Variants in C13orf42 observed in about 807,000 individuals in gnomAD.
C13orf42 encodes the protein chromosome 13 open reading frame 42.
At chr13:51,121,941 AAG>A (rs1352266044) in intron 1 of C13orf42, among the ~76,000 whole-genome samples, 33 of 152,222 alleles carry the variant, frequency 2.2e-4, no homozygotes, top group African/African-American at 8.0e-4. Context: ...ATAATGTAAA[AAG>A]ATATTCACAA....
intron 1 of C13orf42, among the ~76,000 whole-genome samples, chr13:51,145,294 A>G (rs78188408): frequency 1.2e-4 from 18 of 152,148 alleles, no homozygotes; most frequent in Non-Finnish European, 1.9e-4. Context: ...GCCTATTAAT[A>G]TATGGACTTC....
At chr13:51,126,519 C>T (rs556870474) in intron 1 of C13orf42, among the ~76,000 whole-genome samples, 8 of 152,312 alleles carry the variant, frequency 5.3e-5, no homozygotes, top group South Asian at 2.1e-4. Context: ...AAAAGCATTA[C>T]CTTCAGCTCC....
intron 1 of C13orf42, among the ~76,000 whole-genome samples, chr13:51,170,914 T>TGG (rs1272977920): frequency 6.6e-6 from 1 of 152,080 alleles, no homozygotes; most frequent in Non-Finnish European, 1.5e-5. Flanking sequence ...CCCGCTTTCC[T>TGG]AGGGGGCAAG....
Position 51,084,164 on chromosome 13 carries a change from C to T in C13orf42, c.965G>A (p.Arg322Gln), listed in dbSNP as rs532313371. 346 of 398,706 alleles carry T rather than the reference C, an allele frequency of 8.7e-4. No individual in the cohort carries two copies. The highest frequency in any genetic ancestry group is 1.3e-3 in the Non-Finnish European group (292 of 226,102). The allele number at this position is 398,706 out of a possible 1,614,324, so 24.7% of individuals were successfully genotyped here. Reference sequence around the variant, plus strand: ...ATCCAGATGGAGTCAGGGCACCGTCCGCTCCCAAAGTCTTTCTCGAAGCAG... The same window carrying T: ...ATCCAGATGGAGTCAGGGCACCGTCTGCTCCCAAAGTCTTTCTCGAAGCAG... Reference protein sequence around the residue: ...QWLLRERLWERTVP With the variant: ...QWLLRERLWEQTVP The change falls in exon 4 of 4, where the codon CGG (arginine) becomes CAG (glutamine). Residue 322 changes from arginine (R) to glutamine (Q), a missense_variant. Arg to Gln is a conservative substitution (Grantham distance 43). Coordinates refer to ENST00000563710, the MANE Select transcript of C13orf42 (RefSeq NM_001351589.3).
At chr13:51,146,577 T>C (rs1361119657) in intron 1 of C13orf42, among the ~76,000 whole-genome samples, 1 of 152,120 alleles carries the variant, frequency 6.6e-6, no homozygotes, top group African/African-American at 2.4e-5. Flanking sequence ...CATCAATCAA[T>C]ATATGTAAGA....
chr13:51,128,748 C>T (rs770111871), intron 1 of C13orf42, among the ~76,000 whole-genome samples: 14 of 152,142 alleles, frequency 9.2e-5, no homozygotes, highest in Non-Finnish European at 1.9e-4. Flanking sequence ...TTGTGATTCA[C>T]TCAGGATGGT....
intron 1 of C13orf42, among the ~76,000 whole-genome samples, chr13:51,103,623 C>T (rs1032928040): frequency 2.0e-5 from 3 of 152,102 alleles, no homozygotes; most frequent in Non-Finnish European, 4.4e-5. Context: ...ATCACTTGAA[C>T]CCGGGAGGCA....
intron 1 of C13orf42, among the ~76,000 whole-genome samples, chr13:51,145,997 A>G (rs1157045550): frequency 3.9e-5 from 6 of 152,178 alleles, no homozygotes; most frequent in Non-Finnish European, 7.4e-5. Flanking sequence ...ACCTGTCTCA[A>G]CTTTTCGGGG....
At chr13:51,126,611 A>G (rs936377423) in intron 1 of C13orf42, among the ~76,000 whole-genome samples, 16 of 152,230 alleles carry the variant, frequency 1.1e-4, no homozygotes, top group African/African-American at 3.9e-4. Context: ...GGAAGGTGCT[A>G]GGCAAAAAGG....
chr13:51,169,244 T>C (rs1469346659), intron 1 of C13orf42, among the ~76,000 whole-genome samples: 1 of 152,184 alleles, frequency 6.6e-6, no homozygotes, highest in Non-Finnish European at 1.5e-5. Context: ...GTGCCCAAAA[T>C]ACTGACAGTG....
intron 1 of C13orf42, among the ~76,000 whole-genome samples, chr13:51,103,826 A>C (rs1190821559): frequency 6.6e-6 from 1 of 152,190 alleles, no homozygotes; most frequent in African/African-American, 2.4e-5. Flanking sequence ...CAGGTACTAA[A>C]ATGGGCAAAT....
chr13:51,170,938 C>G (rs1244540638), intron 1 of C13orf42, among the ~76,000 whole-genome samples: 1 of 151,268 alleles, frequency 6.6e-6, no homozygotes, highest in Non-Finnish European at 1.5e-5. Context: ...CCCCCAGTTG[C>G]TTATTTCCAC....
intron 1 of C13orf42, among the ~76,000 whole-genome samples, chr13:51,141,095 G>GGT (rs3043870): frequency 0.071 from 9,101 of 128,442 alleles, 358 homozygotes; most frequent in Middle Eastern, 0.11. Context: ...ATCGAAGGGA[G>GGT]GTGTGTGTGT....
chr13:51,148,268 T>C (rs1953753779), intron 1 of C13orf42, among the ~76,000 whole-genome samples: 2 of 152,230 alleles, frequency 1.3e-5, no homozygotes, highest in South Asian at 4.1e-4. Flanking sequence ...AGCCTCTTCA[T>C]CTCTTTACAG....
At chr13:51,092,564 T>C (rs1004775565) in intron 1 of C13orf42, among the ~76,000 whole-genome samples, 10 of 152,120 alleles carry the variant, frequency 6.6e-5, no homozygotes, top group African/African-American at 2.4e-4. Context: ...TTTTGTTGCT[T>C]TTTAAAAAGC....
intron 1 of C13orf42, among the ~76,000 whole-genome samples, chr13:51,146,611 G>A (rs1396152505): frequency 6.6e-6 from 1 of 152,204 alleles, no homozygotes; most frequent in Admixed American, 6.5e-5. Context: ...GATCTGGAAA[G>A]GCAGAACAAC....
At chr13:51,138,364 A>G (rs1278984400) in intron 1 of C13orf42, among the ~76,000 whole-genome samples, 1 of 152,214 alleles carries the variant, frequency 6.6e-6, no homozygotes, top group East Asian at 1.9e-4. Flanking sequence ...CTCAATAGCC[A>G]AAAACAAAAA....
chr13:51,159,266 C>T (rs1953845972), intron 1 of C13orf42, among the ~76,000 whole-genome samples: 1 of 152,166 alleles, frequency 6.6e-6, no homozygotes. Context: ...ATATTTTCTT[C>T]CCCGGAGGTT....
intron 1 of C13orf42, among the ~76,000 whole-genome samples, chr13:51,109,805 C>A (rs183951593): frequency 6.6e-6 from 1 of 152,016 alleles, no homozygotes; most frequent in Non-Finnish European, 1.5e-5. Flanking sequence ...AATGAATTGC[C>A]GGCTCATAAT....
Sources: allele counts gnomAD v4.1 joint callset (sites outside exome capture counted in the v4.1 genomes callset), GRCh38; gene constraint gnomAD v4.1.1; transcripts MANE v1.5; gene names NCBI Gene and HGNC (gene_info 2026-07-23, HGNC 2026-07-21).